Variants in TSPAN12 observed in about 807,000 individuals in gnomAD.
TSPAN12 encodes the protein tetraspanin 12.
In TSPAN12, 19 loss-of-function variants were observed where a neutral mutation model predicts 39.2. The ratio of observed to expected loss-of-function variants is 0.49; its 90% CI spans 0.34 to 0.71. TSPAN12 has a LOEUF of 0.71. Among genes scored for constraint, TSPAN12 ranks in the 30% least tolerant of loss-of-function variants. TSPAN12 has a pLI of 0.01. For missense variants in TSPAN12, 314 were observed against 359.9 expected, an observed-to-expected ratio of 0.87 and a Z score of 1.03; for synonymous variants, 119 against 124.8, an observed-to-expected ratio of 0.95 and a Z score of 0.31.
chr7:120,821,283 C>T lies in TSPAN12; in HGVS notation c.286-5480G>A, dbSNP rs1475659486. The stretch of plus-strand genomic sequence containing the variant: ...AGCATTCTGATAATAGGATACACCC[C>T]CTAAATGATGTAATCAATCAGAGAT... On this transcript the variant is annotated intron_variant, in intron 4 of 7. Coordinates refer to ENST00000222747, the MANE Select transcript of TSPAN12 (RefSeq NM_012338.4). Among the ~76,000 whole-genome samples the T allele has an allele frequency of 3.3e-5, 5 of 151,900 alleles. No individual in the cohort carries two copies. The East Asian group carries it at 7.7e-4, about 23-fold the overall frequency.
intron 7 of TSPAN12, among the ~76,000 whole-genome samples, chr7:120,800,360 G>C (rs1793743085): frequency 6.6e-6 from 1 of 152,110 alleles, no homozygotes; most frequent in African/African-American, 2.4e-5. Context: ...CTTGGTGTTT[G>C]TCTCTGCATT....
chr7:120,853,471 G>GATAGATATATAT (rs1417138657), intron 2 of TSPAN12, among the ~76,000 whole-genome samples: 1 of 138,140 alleles, frequency 7.2e-6, no homozygotes, highest in African/African-American at 2.6e-5. Flanking sequence ...AAGAAATGCA[G>GATAGATATATAT]ATATATATAT....
At chr7:120,822,127 G>A (rs1342978433) in intron 4 of TSPAN12, among the ~76,000 whole-genome samples, 1 of 152,096 alleles carries the variant, frequency 6.6e-6, no homozygotes, top group Non-Finnish European at 1.5e-5. Flanking sequence ...AGGAGGAAAG[G>A]AAGGGCTTGA....
At chr7:120,834,154 A>G (rs1794435944) in intron 4 of TSPAN12, among the ~76,000 whole-genome samples, 1 of 152,216 alleles carries the variant, frequency 6.6e-6, no homozygotes, top group South Asian at 2.1e-4. Context: ...CAGATAAAGC[A>G]AATAAAAATA....
intron 6 of TSPAN12, among the ~76,000 whole-genome samples, chr7:120,808,944 G>T (rs1793926093): frequency 6.6e-6 from 1 of 151,134 alleles, no homozygotes; most frequent in Non-Finnish European, 1.5e-5. Context: ...CAGTATGACT[G>T]ATGTACTTAT....
At chr7:120,803,923 T>C (rs934552998) in intron 7 of TSPAN12, among the ~76,000 whole-genome samples, 1 of 152,294 alleles carries the variant, frequency 6.6e-6, no homozygotes, top group East Asian at 1.9e-4. Context: ...AATAAAATTA[T>C]ATTAAATGTT....
intron 7 of TSPAN12, among the ~76,000 whole-genome samples, chr7:120,801,165 T>A (rs995585258): frequency 2.6e-5 from 4 of 152,112 alleles, no homozygotes; most frequent in African/African-American, 9.7e-5. Context: ...TTTTAACCTG[T>A]AGGAGCACCT....
At chr7:120,817,397 A>G (rs1345059434) in intron 4 of TSPAN12, among the ~76,000 whole-genome samples, 1 of 123,370 alleles carries the variant, frequency 8.1e-6, no homozygotes, top group Non-Finnish European at 1.6e-5. Context: ...TCAAAAAAAA[A>G]GTGTAGATTA....
intron 2 of TSPAN12, among the ~76,000 whole-genome samples, chr7:120,850,509 CCT>C (rs1794750508): frequency 6.6e-6 from 1 of 152,114 alleles, no homozygotes; most frequent in African/African-American, 2.4e-5. Context: ...AGGATTATTC[CCT>C]GAGTGGAGTC....
intron 2 of TSPAN12, among the ~76,000 whole-genome samples, chr7:120,856,307 AT>A (rs1383245737): frequency 1.3e-5 from 2 of 152,112 alleles, no homozygotes; most frequent in African/African-American, 4.8e-5. Flanking sequence ...GCCCAACTAG[AT>A]TTTACAGGCG....
intron 2 of TSPAN12, among the ~76,000 whole-genome samples, chr7:120,850,763 C>T (rs917240701): frequency 6.6e-6 from 1 of 151,578 alleles, no homozygotes; most frequent in Non-Finnish European, 1.5e-5. Context: ...GATCTTGGCT[C>T]ACTGCAATCT....
chr7:120,805,230 T>A (rs942206994), intron 7 of TSPAN12, among the ~76,000 whole-genome samples: 4 of 152,052 alleles, frequency 2.6e-5, no homozygotes, highest in African/African-American at 9.7e-5. Flanking sequence ...CAGCCCAGAG[T>A]TACTCATATC....
At chr7:120,819,183 TATGTTTATCAATAAAACATGGAC>T (rs1381965936) in intron 4 of TSPAN12, among the ~76,000 whole-genome samples, 8 of 152,148 alleles carry the variant, frequency 5.3e-5, no homozygotes, top group Non-Finnish European at 1.2e-4. Flanking sequence ...AAAGGCAAGA[TATGTTTATCAATAAAACATGGAC>T]ATGGATGATG....
chr7:120,821,682 C>A lies in TSPAN12; in HGVS notation c.286-5879G>T, dbSNP rs114655607. On this transcript the variant is annotated intron_variant, in intron 4 of 7. Transcript: ENST00000222747. ...GCCATTATTAACCATATCATAATTT[C>A]TACTAGAACACAAACTCCACATGAA... Among the ~76,000 whole-genome samples the A allele has an allele frequency of 6.1e-3, 930 of 152,252 alleles. 8 individuals are homozygous for A. The highest frequency in any genetic ancestry group is 0.021 in the African/African-American group (886 of 41,556).
intron 2 of TSPAN12, among the ~76,000 whole-genome samples, chr7:120,855,975 ATAAG>A (rs1477987847): frequency 6.6e-5 from 10 of 152,236 alleles, no homozygotes; most frequent in Non-Finnish European, 1.2e-4. Context: ...CCTAAGTTTT[ATAAG>A]TAATAATACG....
chr7:120,838,953 C>T, intron 3 of TSPAN12, 41 bp from the exon 4 acceptor site: 1 of 1,598,686 alleles, frequency 6.3e-7, no homozygotes, highest in South Asian at 1.1e-5. Flanking sequence ...AAAATATAAT[C>T]AAAATGCACC....
At chr7:120,789,878 C>T (rs925391671) in intron 7 of TSPAN12, among the ~76,000 whole-genome samples, 5 of 152,050 alleles carry the variant, frequency 3.3e-5, no homozygotes, top group Admixed American at 2.6e-4. Flanking sequence ...GTCCATCGTC[C>T]CTTGTCTTTG....
intron 2 of TSPAN12, among the ~76,000 whole-genome samples, chr7:120,844,662 G>A (rs1794638750): frequency 6.6e-6 from 1 of 152,216 alleles, no homozygotes; most frequent in Admixed American, 6.5e-5. Context: ...ACTGATGCAA[G>A]GGGTGGGCCC....
At chr7:120,838,754 A>G (rs1025032511) in intron 4 of TSPAN12, 23 bp downstream of exon 4, 1 of 1,610,270 alleles carries the variant, frequency 6.2e-7, no homozygotes, top group African/African-American at 1.3e-5. Context: ...TAACTATAAT[A>G]AAGAGAAAAT....
Sources: gnomAD v4.1 joint callset for allele counts (sites outside exome capture counted in the v4.1 genomes callset) on GRCh38, gnomAD v4.1.1 for gene constraint, MANE v1.5 for transcripts, NCBI Gene and HGNC (gene_info 2026-07-23, HGNC 2026-07-21) for gene names.